Variants in CNTNAP2 observed in about 807,000 individuals in gnomAD.
CNTNAP2 encodes the protein contactin-associated protein-like 2.
Under a neutral mutation model 155.2 loss-of-function variants are expected in CNTNAP2, and 98 were observed. That is an observed-to-expected ratio of 0.63 (90% CI 0.54 to 0.75). CNTNAP2 has a LOEUF of 0.75. CNTNAP2 is among the 30% of genes least tolerant of loss of function. The pLI, the probability that CNTNAP2 is intolerant of heterozygous loss-of-function variation, is 0.00. For missense variants in CNTNAP2, 1,727 were observed against 1,688.1 expected, an observed-to-expected ratio of 1.02 and a Z score of -0.40; for synonymous variants, 651 against 631.2, an observed-to-expected ratio of 1.03 and a Z score of -0.47.
chr7:146,658,700 T>A (rs1198684688), intron 1 of CNTNAP2, among the ~76,000 whole-genome samples: 1 of 152,116 alleles, frequency 6.6e-6, no homozygotes, highest in Non-Finnish European at 1.5e-5. Flanking sequence ...TATTTATGAG[T>A]CAAATGCTAA....
Position 148,108,403 on chromosome 7 carries a change from T to C in CNTNAP2, c.2384-9715T>C, listed in dbSNP as rs1047146724. On this transcript the variant is annotated intron_variant, in intron 15 of 23. Transcript: ENST00000361727. The stretch of plus-strand genomic sequence containing the variant: ...TCAGTGGAGATGAAGAGATAGGGAG[T>C]ACAGAGTTTTGGAAGCTAGTGAGGG... Among the ~76,000 whole-genome samples, 9 of 146,202 alleles carry C rather than the reference T, an allele frequency of 6.2e-5. No individual in the cohort carries two copies. The East Asian group carries it at 1.6e-3, about 26-fold the overall frequency.
intron 14 of CNTNAP2, among the ~76,000 whole-genome samples, chr7:147,907,820 C>T (rs1799989436): frequency 6.6e-6 from 1 of 152,082 alleles, no homozygotes; most frequent in South Asian, 2.1e-4. Context: ...GTCACTCTGT[C>T]AACCAGGCTG....
chr7:146,638,476 C>CT (rs879600389), intron 1 of CNTNAP2, among the ~76,000 whole-genome samples: 3,047 of 64,362 alleles, frequency 0.047, 270 homozygotes, highest in African/African-American at 0.12. Flanking sequence ...TCAGGTGTTT[C>CT]TTTTTTTTTT....
At chr7:146,910,498 C>T (rs1023232210) in intron 3 of CNTNAP2, among the ~76,000 whole-genome samples, 3 of 150,654 alleles carry the variant, frequency 2.0e-5, no homozygotes, top group African/African-American at 5.0e-5. Context: ...AGAAATAACG[C>T]CACATACCTA....
chr7:147,619,156 A>G (rs1801347256), intron 12 of CNTNAP2, among the ~76,000 whole-genome samples: 1 of 152,248 alleles, frequency 6.6e-6, no homozygotes, highest in Non-Finnish European at 1.5e-5. Flanking sequence ...CATTTTCATA[A>G]CATAGTAATC....
chr7:146,721,621 CTATATACATTCTATATAT>C, intron 1 of CNTNAP2, among the ~76,000 whole-genome samples: 3 of 112,170 alleles, frequency 2.7e-5, no homozygotes, highest in Non-Finnish European at 4.9e-5. Flanking sequence ...TATATATATT[CTATATACATTCTATATAT>C]ATTCTATATA....
chr7:147,775,346 T>TCTGAAGAA (rs1563084631), intron 13 of CNTNAP2, among the ~76,000 whole-genome samples: 40 of 37,378 alleles, frequency 1.1e-3, no homozygotes, highest in South Asian at 2.2e-3. Context: ...TAAATATATA[T>TCTGAAGAA]ATTTATATAT....
At chr7:148,157,768 C>T (rs1805432236) in intron 17 of CNTNAP2, among the ~76,000 whole-genome samples, 1 of 152,092 alleles carries the variant, frequency 6.6e-6, no homozygotes, top group African/African-American at 2.4e-5. Context: ...TCTTGGTTCT[C>T]TCTGGGATAG....
At chr7:148,039,036 G>A (rs535260301) in intron 15 of CNTNAP2, among the ~76,000 whole-genome samples, 1 of 152,212 alleles carries the variant, frequency 6.6e-6, no homozygotes, top group African/African-American at 2.4e-5. Flanking sequence ...TATGAGAAGA[G>A]ATTTATTAGG....
chr7:146,648,198 GT>G (rs1400204823), intron 1 of CNTNAP2, among the ~76,000 whole-genome samples: 3 of 152,140 alleles, frequency 2.0e-5, no homozygotes, highest in Non-Finnish European at 4.4e-5. Context: ...CTTTTATAAG[GT>G]AGATGTTGTG....
At chr7:147,556,284 T>C (rs1799951221) in intron 11 of CNTNAP2, among the ~76,000 whole-genome samples, 1 of 152,154 alleles carries the variant, frequency 6.6e-6, no homozygotes. Context: ...AGAGTCATCA[T>C]TTTTATATAG....
intron 16 of CNTNAP2, among the ~76,000 whole-genome samples, chr7:148,119,710 T>C (rs1051910962): frequency 6.6e-6 from 1 of 152,330 alleles, no homozygotes; most frequent in Non-Finnish European, 1.5e-5. Context: ...CTCAATCTCT[T>C]TGAATCCTAA....
chr7:147,183,562 A>AGT (rs112187548), intron 8 of CNTNAP2, among the ~76,000 whole-genome samples: 6,877 of 151,346 alleles, frequency 0.045, 211 homozygotes, highest in African/African-American at 0.09. Flanking sequence ...TTGTTAAATA[A>AGT]GTGTGTGTGT....
intron 1 of CNTNAP2, among the ~76,000 whole-genome samples, chr7:146,537,687 A>G (rs1468803992): frequency 6.6e-6 from 1 of 152,128 alleles, no homozygotes; most frequent in Non-Finnish European, 1.5e-5. Flanking sequence ...TGAAAAACTA[A>G]GCCTTATTGT....
At chr7:146,355,728 TATG>T (rs932542852) in intron 1 of CNTNAP2, among the ~76,000 whole-genome samples, 2 of 152,212 alleles carry the variant, frequency 1.3e-5, no homozygotes. Flanking sequence ...TTCATTTTAT[TATG>T]ATGATTTTTG....
At position 147,875,064 on chromosome 7, in the gene CNTNAP2, G is replaced by A. The variant is rs114693286; in HGVS notation, c.2099-28501G>A. On this transcript the variant is annotated intron_variant, in intron 13 of 23. Transcript: ENST00000361727. Reference sequence around the variant, plus strand: ...AGGAAGTTCCAAACTTTCCTACATCGTCCTGTCTTCTTCTGAGCCTTCCAA... The same window carrying A: ...AGGAAGTTCCAAACTTTCCTACATCATCCTGTCTTCTTCTGAGCCTTCCAA... Among the ~76,000 whole-genome samples, 1,108 of 152,144 alleles carry A rather than the reference G, an allele frequency of 7.3e-3. 16 individuals carry two copies. The highest frequency in any genetic ancestry group is 0.025 in the African/African-American group (1,050 of 41,482).
chr7:147,228,353 T>TA (rs1174213793), intron 8 of CNTNAP2, among the ~76,000 whole-genome samples: 1 of 152,102 alleles, frequency 6.6e-6, no homozygotes, highest in Admixed American at 6.6e-5. Flanking sequence ...CAGTGGAGGC[T>TA]AAAACAGTCA....
chr7:146,401,526 G>A (rs1240413668), intron 1 of CNTNAP2, among the ~76,000 whole-genome samples: 1 of 152,044 alleles, frequency 6.6e-6, no homozygotes, highest in Non-Finnish European at 1.5e-5. Context: ...CTGTTCCTTG[G>A]AACACTTGTA....
chr7:146,775,103 G>A (rs1035089249), intron 2 of CNTNAP2, among the ~76,000 whole-genome samples: 11 of 152,172 alleles, frequency 7.2e-5, no homozygotes, highest in African/African-American at 2.7e-4. Context: ...AACAAACAGA[G>A]ACCATGATGT....
Sources: gnomAD v4.1 joint callset for allele counts (sites outside exome capture counted in the v4.1 genomes callset) on GRCh38, gnomAD v4.1.1 for gene constraint, MANE v1.5 for transcripts, NCBI Gene and HGNC (gene_info 2026-07-23, HGNC 2026-07-21) for gene names.